Variants in DYNC1H1 observed in about 807,000 individuals in gnomAD.
DYNC1H1 encodes cytoplasmic dynein 1 heavy chain 1.
In DYNC1H1, 51 loss-of-function variants were observed where a neutral mutation model predicts 527.1. That is an observed-to-expected ratio of 0.10 (90% CI 0.08 to 0.12). DYNC1H1 has a LOEUF of 0.12. Among genes scored for constraint, DYNC1H1 ranks in the 10% least tolerant of loss-of-function variants. The pLI is 1.00. For missense variants in DYNC1H1, 2,771 were observed against 5,971.8 expected (o/e 0.46, Z 17.66); for synonymous variants, 2,189 against 2,278.8 (o/e 0.96, Z 1.12).
chr14:101,991,369 G>A (rs1488596893), intron 10 of DYNC1H1, among the ~76,000 whole-genome samples, 158 bp from the exon 11 acceptor site: 4 of 152,190 alleles, frequency 2.6e-5, no homozygotes, highest in Non-Finnish European at 4.4e-5. Flanking sequence ...CTACTTGGGA[G>A]GCTTAGAATT....
rs114036647 is a variant in DYNC1H1, at chr14:102,049,988, G to A, written c.13685-83G>A. 2.4e-4 allele frequency: 393 copies of A among 1,614,066 alleles called. No homozygotes were observed. The African/African-American group carries it at 4.8e-3, about 20-fold the overall frequency. Reference sequence around the variant, plus strand: ...CTTAGGGTGACCGGCTGGCAGTTGGGTGGAGCCTCTGGGCGCCCTGTGACT... The same window carrying A: ...CTTAGGGTGACCGGCTGGCAGTTGGATGGAGCCTCTGGGCGCCCTGTGACT... On this transcript the variant is annotated intron_variant, in intron 76 of 77. Coordinates refer to ENST00000360184, the MANE Select transcript of DYNC1H1 (RefSeq NM_001376.5). This position sits in a 1 kb window ranked among gnomAD's most constrained non-coding sequence, Gnocchi z 5.5.
In DYNC1H1 at chr14:102,015,903, C is replaced by T. The variant is rs112811548; in HGVS notation, c.7290C>T (p.Asn2430=). ...TCATGCAACCGTACTTCACGTCCAA[C>T]GGCCTGGTCACCAAGGCGCTAGAGC... ...ATIMQPYFTS[N]GLVTKALEHA... is the part of the protein sequence containing the mutation. The change falls in exon 36 of 78, where the codon AAC becomes AAT. Residue 2430 remains asparagine, a synonymous_variant. Transcript: ENST00000360184. The surrounding 1 kb of genome is among the most constrained non-coding windows in gnomAD (Gnocchi z 6.9). 1.7e-4 allele frequency: 279 copies of T among 1,614,260 alleles called. No homozygotes were observed. The highest frequency in any genetic ancestry group is 3.2e-4 in the African/African-American group (24 of 75,074).
At chr14:101,984,448 A>T (rs865978050) in intron 7 of DYNC1H1, among the ~76,000 whole-genome samples, 2,301 of 88,976 alleles carry the variant, frequency 0.026, 165 homozygotes, top group African/African-American at 0.091. Flanking sequence ...TATATATATT[A>T]TATTTTTTTT....
chr14:101,984,401 A>ATGTGTGTGTGTGTGTG (rs34162363), intron 7 of DYNC1H1, among the ~76,000 whole-genome samples: 7 of 102,446 alleles, frequency 6.8e-5, no homozygotes, highest in African/African-American at 2.8e-4. Flanking sequence ...ATGCGTATAT[A>ATGTGTGTGTGTGTGTG]TGTGTGTGTG....
chr14:102,032,207 T>C (rs2048517406), intron 51 of DYNC1H1, 65 bp from the exon 52 acceptor site: 2 of 1,606,284 alleles, frequency 1.2e-6, no homozygotes, highest in East Asian at 4.5e-5. Flanking sequence ...TTTGGTTCAT[T>C]CTCACCATGC....
At chr14:102,028,348 C>T (rs2048473697) in intron 48 of DYNC1H1, 2 of 528,808 alleles carry the variant, frequency 3.8e-6, no homozygotes, top group East Asian at 3.8e-5. Context: ...CCCATCTCTA[C>T]AAAAAATACA....
chr14:101,988,512 A>G (rs914906750), intron 9 of DYNC1H1, among the ~76,000 whole-genome samples, 191 bp from the exon 10 acceptor site: 12 of 152,172 alleles, frequency 7.9e-5, no homozygotes, highest in African/African-American at 2.9e-4. Context: ...CCAAAGATGG[A>G]GAAGACAGCC....
At chr14:102,021,646 TTTTC>T (rs1330473125) in intron 42 of DYNC1H1, among the ~76,000 whole-genome samples, 27 of 147,024 alleles carry the variant, frequency 1.8e-4, no homozygotes, top group Admixed American at 6.9e-5. Context: ...CCCATTTCTT[TTTTC>T]TTTTTCTTTT....
At chr14:102,045,547 G>A (rs752329351) in intron 72 of DYNC1H1, among the ~76,000 whole-genome samples, 20 of 151,856 alleles carry the variant, frequency 1.3e-4, no homozygotes, top group Non-Finnish European at 1.8e-4. Context: ...GGAGGCAGAG[G>A]TTTCAGTGAG....
Position 102,050,489 on chromosome 14 carries a change from G to A in DYNC1H1, c.13867G>A (p.Asp4623Asn), listed in dbSNP as rs750353606. 3.1e-6 allele frequency: 5 copies of A among 1,614,110 alleles called. No individual in the cohort carries two copies. In the African/African-American group the frequency reaches 6.7e-5, roughly 22 times the overall value. ...CCGTGCAGACCTCATCTTCACCGTGGACTTCGAAATTGCTACAAAGGAGGA... is the reference window on the plus strand; with the variant it reads ...CCGTGCAGACCTCATCTTCACCGTGAACTTCGAAATTGCTACAAAGGAGGA... The part of the protein sequence containing the change: ...FTRADLIFTV[D>N]FEIATKEDPR... Residue 4623 changes from aspartate to asparagine, a missense_variant, in exon 78 of 78, where the codon GAC (aspartate) becomes AAC (asparagine). Asp to Asn is a conservative substitution (Grantham distance 23). This residue lies in a region of DYNC1H1 where 106 missense variants were observed against 139.2 expected (regional missense o/e 0.76). Transcript: ENST00000360184.
At chr14:102,032,194 T>C (rs2048517274) in intron 51 of DYNC1H1, 78 bp from the exon 52 acceptor site, 5 of 1,570,014 alleles carry the variant, frequency 3.2e-6, no homozygotes, top group Non-Finnish European at 4.4e-6. Context: ...AGCTCCTGGC[T>C]GTTTTGGTTC....
At chr14:102,009,159 C>T (rs1260032816) in intron 29 of DYNC1H1, among the ~76,000 whole-genome samples, 1 of 152,160 alleles carries the variant, frequency 6.6e-6, no homozygotes, top group Non-Finnish European at 1.5e-5. Flanking sequence ...ACACAAAGTC[C>T]CAGCATGTGG....
In DYNC1H1 at chr14:101,988,942, G is replaced by A. The variant is rs189452854; in HGVS notation, c.2868+90G>A. On this transcript the variant is annotated intron_variant, in intron 10 of 77. Coordinates refer to ENST00000360184, the MANE Select transcript of DYNC1H1 (RefSeq NM_001376.5). The stretch of plus-strand genomic sequence containing the variant: ...CACCTATGGAAAGGTCACTTAGTGT[G>A]GACACCTGGCAGATGCCACCTTAAC... The A allele has an allele frequency of 8.9e-5, 138 of 1,550,152 alleles. No homozygotes were observed. In the African/African-American group the frequency reaches 1.6e-3, roughly 18 times the overall value.
Position 102,001,125 on chromosome 14 carries a change from T to A in DYNC1H1, c.4186-20T>A. ...TTAGAAACGCACCTGCACAGATCAC[T>A]TTGTTTACTTTCTCCACAGATAAAT... On this transcript the variant is annotated intron_variant, in intron 19 of 77. Coordinates refer to ENST00000360184, the MANE Select transcript of DYNC1H1 (RefSeq NM_001376.5). The surrounding 1 kb of genome is among the most constrained non-coding windows in gnomAD (Gnocchi z 5.0). 1 of 1,614,166 alleles carries A rather than the reference T, an allele frequency of 6.2e-7. No homozygotes were observed. The highest frequency in any genetic ancestry group is 8.5e-7 in the Non-Finnish European group (1 of 1,180,034).
At chr14:101,994,626 C>T in intron 12 of DYNC1H1, 47 bp from the exon 13 acceptor site, 1 of 1,609,448 alleles carries the variant, frequency 6.2e-7, no homozygotes, top group Non-Finnish European at 8.5e-7. Context: ...CAGTATTCTA[C>T]AAAATGAAAA....
Position 102,048,047 on chromosome 14 carries a change from G to T in DYNC1H1, c.13218+19G>T. On this transcript the variant is annotated intron_variant, in intron 73 of 77. Coordinates refer to ENST00000360184, the MANE Select transcript of DYNC1H1 (RefSeq NM_001376.5). ...TATCAAGGTAGCTGGGAGGGTGGCG[G>T]GCCGGCCAGGTCTCAAGGTCCCAGG... The T allele has an allele frequency of 6.2e-7, 1 of 1,600,568 alleles. No homozygotes were observed. The highest frequency in any genetic ancestry group is 2.3e-5 in the East Asian group (1 of 44,216).
At chr14:101,988,592 A>G (rs2047961953) in intron 9 of DYNC1H1, 111 bp from the exon 10 acceptor site, 9 of 1,382,420 alleles carry the variant, frequency 6.5e-6, no homozygotes, top group Non-Finnish European at 8.1e-6. Flanking sequence ...GAAGGCTTCT[A>G]GTCCGGAACT....
chr14:102,004,065 C>G (rs1312146824), intron 23 of DYNC1H1, among the ~76,000 whole-genome samples: 2 of 151,562 alleles, frequency 1.3e-5, no homozygotes, highest in Admixed American at 6.6e-5. Context: ...CATGGTGAAA[C>G]CCCGTCTCTA....
At position 102,049,209 on chromosome 14, in the gene DYNC1H1, T is replaced by A. The variant is rs2048770122; in HGVS notation, c.13373-231T>A. ...TCCAGAAAGACACACCTGGACTAATTTGACCCTAGAAACTGCACGGTTCTG... is the reference window on the plus strand; with the variant it reads ...TCCAGAAAGACACACCTGGACTAATATGACCCTAGAAACTGCACGGTTCTG... On this transcript the variant is annotated intron_variant, in intron 74 of 77. Coordinates refer to ENST00000360184, the MANE Select transcript of DYNC1H1 (RefSeq NM_001376.5). The surrounding 1 kb of genome is among the most constrained non-coding windows in gnomAD (Gnocchi z 5.5). The A allele has an allele frequency of 1.6e-6, 1 of 607,046 alleles. No individual in the cohort carries two copies. The highest frequency in any genetic ancestry group is 1.8e-5 in the African/African-American group (1 of 54,336). 37.6% of individuals were successfully genotyped at this position (607,046 alleles called of 1,614,324 possible).
Sources: gnomAD v4.1 joint callset for allele counts (sites outside exome capture counted in the v4.1 genomes callset) on GRCh38, gnomAD v4.1.1 for gene constraint, gnomAD v4.1.1 regional missense constraint, Gnocchi (gnomAD v3.1) non-coding constraint, MANE v1.5 for transcripts, NCBI Gene and HGNC (gene_info 2026-07-23, HGNC 2026-07-21) for gene names.